The following MARCHF1 variants were observed in gnomAD, a reference collection of about 807,000 sequenced individuals.
MARCHF1 encodes the protein E3 ubiquitin-protein ligase MARCHF1.
A neutral mutation model predicts 54.2 loss-of-function variants in MARCHF1; 40 were observed. That is an observed-to-expected ratio of 0.74 (90% CI 0.57 to 0.96). The LOEUF (loss-of-function observed/expected upper bound fraction) is 0.96, where lower values mean the gene tolerates loss of function less well. MARCHF1 is among the 40% of genes least tolerant of loss of function. MARCHF1 has a pLI of 0.00. For synonymous variants in MARCHF1, 236 were observed against 236.3 expected (o/e 1.00, Z 0.01); for missense variants, 586 against 656.5 (o/e 0.89, Z 1.17).
At chr4:163,600,261 T>C (rs1032390017) in intron 7 of MARCHF1, among the ~76,000 whole-genome samples, 5 of 152,156 alleles carry the variant, frequency 3.3e-5, no homozygotes, top group African/African-American at 9.7e-5. Flanking sequence ...GGGCATCAAT[T>C]TGTTCACCTC....
intron 1 of MARCHF1, among the ~76,000 whole-genome samples, chr4:164,342,702 T>C (rs962460734): frequency 6.6e-6 from 1 of 151,932 alleles, no homozygotes; most frequent in Non-Finnish European, 1.5e-5. Context: ...TGCCAAGATA[T>C]GGGAAAAAAA....
At chr4:163,768,037 T>A (rs1224123498) in intron 4 of MARCHF1, among the ~76,000 whole-genome samples, 2 of 152,172 alleles carry the variant, frequency 1.3e-5, no homozygotes, top group African/African-American at 2.4e-5. Flanking sequence ...GCATTTTTTT[T>A]ATATCTTTTT....
intron 3 of MARCHF1, among the ~76,000 whole-genome samples, chr4:163,886,360 T>C (rs1750538093): frequency 6.6e-6 from 1 of 151,250 alleles, no homozygotes. Context: ...TATAGATAGA[T>C]AGATATAGAC....
chr4:164,211,299 A>G (rs1441966141), intron 1 of MARCHF1, among the ~76,000 whole-genome samples: 1 of 146,238 alleles, frequency 6.8e-6, no homozygotes, highest in Admixed American at 6.9e-5. Flanking sequence ...TATATATACC[A>G]CATTGCAACC....
At chr4:163,856,756 A>G (rs1248527665) in intron 3 of MARCHF1, among the ~76,000 whole-genome samples, 2 of 152,180 alleles carry the variant, frequency 1.3e-5, no homozygotes, top group African/African-American at 4.8e-5. Flanking sequence ...CATGCCTGTA[A>G]TCCCAGCACT....
intron 8 of MARCHF1, among the ~76,000 whole-genome samples, chr4:163,549,371 T>C (rs543789551): frequency 6.6e-6 from 1 of 152,136 alleles, no homozygotes; most frequent in South Asian, 2.1e-4. Context: ...CTCCAAGGGG[T>C]CTCAAGGAAG....
chr4:163,679,660 T>G (rs1286773764), intron 5 of MARCHF1, among the ~76,000 whole-genome samples: 3 of 151,552 alleles, frequency 2.0e-5, no homozygotes, highest in African/African-American at 7.3e-5. Flanking sequence ...TTGCCCAGGC[T>G]GGAGTGCAGT....
intron 5 of MARCHF1, among the ~76,000 whole-genome samples, chr4:163,698,031 A>T (rs1180615162): frequency 1.3e-5 from 2 of 152,180 alleles, no homozygotes; most frequent in Non-Finnish European, 2.9e-5. Context: ...CACAGGCCAA[A>T]CACTGTTCTA....
intron 1 of MARCHF1, among the ~76,000 whole-genome samples, chr4:164,288,549 T>C (rs1734207115): frequency 6.6e-6 from 1 of 151,850 alleles, no homozygotes; most frequent in Non-Finnish European, 1.5e-5. Flanking sequence ...TTAATAGGTA[T>C]GAAAGCAAAA....
intron 3 of MARCHF1, among the ~76,000 whole-genome samples, chr4:163,924,174 G>A (rs1021719841): frequency 2.6e-5 from 4 of 152,046 alleles, no homozygotes; most frequent in African/African-American, 9.7e-5. Flanking sequence ...TGACACAGAG[G>A]AAAATTACTT....
chr4:163,945,400 C>G (rs888559577), intron 3 of MARCHF1, among the ~76,000 whole-genome samples: 2 of 152,122 alleles, frequency 1.3e-5, no homozygotes, highest in Non-Finnish European at 2.9e-5. Flanking sequence ...AGCTGTCAAT[C>G]TGTTTGGGGT....
chr4:164,143,293 C>T (rs1273159151), intron 1 of MARCHF1, among the ~76,000 whole-genome samples: 9 of 147,880 alleles, frequency 6.1e-5, no homozygotes, highest in African/African-American at 2.2e-4. Context: ...CAAGGCAGGC[C>T]AACGTTCAGA....
chr4:163,980,778 A>G (rs1469075316), intron 3 of MARCHF1, among the ~76,000 whole-genome samples: 1 of 152,242 alleles, frequency 6.6e-6, no homozygotes, highest in Non-Finnish European at 1.5e-5. Context: ...AAAATGAAAC[A>G]GATTACTGTA....
intron 2 of MARCHF1, among the ~76,000 whole-genome samples, chr4:164,093,644 T>G (rs1755349982): frequency 6.6e-6 from 1 of 152,144 alleles, no homozygotes; most frequent in South Asian, 2.1e-4. Context: ...ATTTCAAGTT[T>G]CTGGCAGCGT....
chr4:163,961,341 C>G (rs1411798626), intron 3 of MARCHF1, among the ~76,000 whole-genome samples: 11 of 151,980 alleles, frequency 7.2e-5, no homozygotes, highest in Admixed American at 7.2e-4. Flanking sequence ...AAAATTAACA[C>G]ATATGACATT....
At chr4:164,372,231 A>T (rs191015127) in intron 1 of MARCHF1, among the ~76,000 whole-genome samples, 351 of 152,336 alleles carry the variant, frequency 2.3e-3, no homozygotes, top group African/African-American at 7.8e-3. Flanking sequence ...AATGCAAATG[A>T]CACTGCCATA....
chr4:164,222,491 G>T (rs1053639580), intron 1 of MARCHF1, among the ~76,000 whole-genome samples: 1 of 151,984 alleles, frequency 6.6e-6, no homozygotes, highest in South Asian at 2.1e-4. Context: ...GTGTAGACTT[G>T]TAAAAATGAT....
chr4:164,218,169 TTAAAA>T (rs966095516), intron 1 of MARCHF1, among the ~76,000 whole-genome samples: 3 of 152,012 alleles, frequency 2.0e-5, no homozygotes, highest in Admixed American at 6.6e-5. Flanking sequence ...GTATTTGGTA[TTAAAA>T]TAAAATAAAA....
At chr4:164,026,362 G>A (rs1286570521) in intron 2 of MARCHF1, among the ~76,000 whole-genome samples, 1 of 151,924 alleles carries the variant, frequency 6.6e-6, no homozygotes, top group African/African-American at 2.4e-5. Flanking sequence ...AAAATCCAGT[G>A]GCACACTAAA....
Sources: gnomAD v4.1 joint callset for allele counts (sites outside exome capture counted in the v4.1 genomes callset) on GRCh38, gnomAD v4.1.1 for gene constraint, MANE v1.5 for transcripts, NCBI Gene and HGNC (gene_info 2026-07-23, HGNC 2026-07-21) for gene names.